Variants in PKDCC observed in about 807,000 individuals in gnomAD.
PKDCC encodes the protein extracellular tyrosine-protein kinase PKDCC.
PKDCC carries 35 observed loss-of-function variants against 44.7 expected under a neutral mutation model. That is an observed-to-expected ratio of 0.78 (90% CI 0.60 to 1.04). PKDCC has a LOEUF of 1.04. PKDCC is among the 50% of genes least tolerant of loss of function. The pLI is 0.00. For synonymous variants in PKDCC, 353 were observed against 303.3 expected (o/e 1.16, Z -1.70); for missense variants, 738 against 672.7 (o/e 1.10, Z -1.07).
chr2:42,057,703 CG>C lies in PKDCC; in HGVS notation c.*17del. On this transcript the variant is annotated 3_prime_UTR_variant, in exon 7 of 7. Coordinates refer to ENST00000294964, the MANE Select transcript of PKDCC (RefSeq NM_138370.3). ...CCTCTGGCTGACCTATCTGAGGGCT[CG>C]GCTGACCAGCTGACTATCCTCAGCA... 1 of 1,610,654 alleles carries C rather than the reference CG, an allele frequency of 6.2e-7. No homozygotes were observed. The highest frequency in any genetic ancestry group is 8.5e-7 in the Non-Finnish European group (1 of 1,177,720).
At chr2:42,050,030 T>C (rs1667939996) in intron 1 of PKDCC, among the ~76,000 whole-genome samples, 1 of 152,130 alleles carries the variant, frequency 6.6e-6, no homozygotes, top group Admixed American at 6.5e-5. Flanking sequence ...TGGAGGGAGA[T>C]GGGTGGGCGT....
At position 42,055,298 on chromosome 2, in the gene PKDCC, G is replaced by A. The variant is rs369267445; in HGVS notation, c.1127G>A (p.Trp376Ter). The change falls in exon 5 of 7, where the codon TGG becomes TAG. Residue 376 changes from tryptophan to a stop codon, truncating the protein, a stop_gained. Transcript: ENST00000294964. LOFTEE classifies it high-confidence loss of function. The surrounding 1 kb of genome is among the most constrained non-coding windows in gnomAD (Gnocchi z 4.5). ...CTGCACTCTGCAGGAGAGCTCGCCT[G>A]GGGGGTGGACGAGACCCTGGCCCAG... Reference protein sequence around the residue: ...SIVNATGELAWGVDETLAQLE... With the variant: ...SIVNATGELA The A allele has an allele frequency of 2.5e-6, 4 of 1,612,810 alleles. No homozygotes were observed. The highest frequency in any genetic ancestry group is 2.2e-5 in the East Asian group (1 of 44,874).
chr2:42,053,929 C>T (rs750924112), intron 2 of PKDCC, 107 bp from the exon 3 acceptor site: 66 of 1,423,280 alleles, frequency 4.6e-5, no homozygotes, highest in Non-Finnish European at 5.9e-5. Context: ...AGAGAAGTGC[C>T]AACCCCCACA....
At position 42,055,173 on chromosome 2, in the gene PKDCC, C is replaced by G. The variant is rs918456860; in HGVS notation, c.1115-113C>G. The G allele has an allele frequency of 2.3e-6, 3 of 1,284,500 alleles. No homozygotes were observed. Among genetic ancestry groups the G allele is most frequent in the African/African-American group, 2.9e-5 (2 of 68,430 alleles). 79.6% of individuals were successfully genotyped at this position (1,284,500 alleles called of 1,614,324 possible). On this transcript the variant is annotated intron_variant, in intron 4 of 6. Coordinates refer to ENST00000294964, the MANE Select transcript of PKDCC (RefSeq NM_138370.3). This position sits in a 1 kb window ranked among gnomAD's most constrained non-coding sequence, Gnocchi z 4.5. Reference sequence around the variant, plus strand: ...GCCGCAACCTCCCCGCTCCCCCGCCCTCTGTTCACTGGGGCACAGGCTCTG... The same window carrying G: ...GCCGCAACCTCCCCGCTCCCCCGCCGTCTGTTCACTGGGGCACAGGCTCTG...
chr2:42,054,810 G>T lies in PKDCC; in HGVS notation c.1035-131G>T. ...CCCGAGGCTGAGTAGACTTCACTGCGTTCTGCCTGGTTGCTAGGCCTGAGG... is the reference window on the plus strand; with the variant it reads ...CCCGAGGCTGAGTAGACTTCACTGCTTTCTGCCTGGTTGCTAGGCCTGAGG... On this transcript the variant is annotated intron_variant, in intron 3 of 6. Coordinates refer to ENST00000294964, the MANE Select transcript of PKDCC (RefSeq NM_138370.3). The surrounding 1 kb of genome is among the most constrained non-coding windows in gnomAD (Gnocchi z 6.1). 1 of 845,910 alleles carries T rather than the reference G, an allele frequency of 1.2e-6. No individual in the cohort carries two copies. The allele number at this position is 845,910 out of a possible 1,614,324, so 52.4% of individuals were successfully genotyped here. A position where few individuals can be genotyped will look rare whatever the true frequency, so the allele number is the denominator to read the frequency against.
chr2:42,048,387 G>A lies in PKDCC; in HGVS notation c.188G>A (p.Arg63His). ...RGELARQIRA[R>H]YEEVQRYSRG... ...GAGCTGGCCCGGCAGATCCGGGCGCGCTACGAGGAGGTGCAGCGCTATTCC... is the reference window on the plus strand; with the variant it reads ...GAGCTGGCCCGGCAGATCCGGGCGCACTACGAGGAGGTGCAGCGCTATTCC... The change falls in exon 1 of 7, where the codon CGC becomes CAC. Residue 63 changes from arginine (R) to histidine (H), a missense_variant. Physicochemically the swap from Arg to His is conservative, Grantham distance 29. Transcript: ENST00000294964. This position sits in a 1 kb window ranked among gnomAD's most constrained non-coding sequence, Gnocchi z 6.2. 1 of 1,155,698 alleles carries A rather than the reference G, an allele frequency of 8.7e-7. No homozygotes were observed. The highest frequency in any genetic ancestry group is 1.1e-6 in the Non-Finnish European group (1 of 941,274). 71.6% of individuals were successfully genotyped at this position (1,155,698 alleles called of 1,614,324 possible).
In PKDCC at chr2:42,057,798, A is replaced by C. The variant is rs1430868892; in HGVS notation, c.*110A>C. ...GCATGTCACCTGGGAACCCCTGCAG[A>C]CAAAGCTAACATCCCAGACAGACAG... On this transcript the variant is annotated 3_prime_UTR_variant, in exon 7 of 7. Coordinates refer to ENST00000294964, the MANE Select transcript of PKDCC (RefSeq NM_138370.3). 1.2e-6 allele frequency: 1 copy of C among 838,578 alleles called. No individual in the cohort carries two copies. Among genetic ancestry groups the C allele is most frequent in the Non-Finnish European group, 1.9e-6 (1 of 525,854 alleles). The allele number at this position is 838,578 out of a possible 1,614,324, so 51.9% of individuals were successfully genotyped here.
chr2:42,055,189 A>T lies in PKDCC; in HGVS notation c.1115-97A>T. Reference sequence around the variant, plus strand: ...TCCCCCGCCCTCTGTTCACTGGGGCACAGGCTCTGGAGGCAGAGGTGGGAG... The same window carrying T: ...TCCCCCGCCCTCTGTTCACTGGGGCTCAGGCTCTGGAGGCAGAGGTGGGAG... On this transcript the variant is annotated intron_variant, in intron 4 of 6. Transcript: ENST00000294964. The surrounding 1 kb of genome is among the most constrained non-coding windows in gnomAD (Gnocchi z 4.5). The T allele has an allele frequency of 7.6e-7, 1 of 1,324,398 alleles. No individual in the cohort carries two copies. Among genetic ancestry groups the T allele is most frequent in the Non-Finnish European group, 1.1e-6 (1 of 944,064 alleles). 82.0% of individuals were successfully genotyped at this position (1,324,398 alleles called of 1,614,324 possible).
intron 2 of PKDCC, 47 bp from the exon 3 acceptor site, chr2:42,053,989 C>T: frequency 6.3e-7 from 1 of 1,583,048 alleles, no homozygotes; most frequent in Non-Finnish European, 8.6e-7. Flanking sequence ...CCACAGACCC[C>T]CAACCCAGGA....
rs899205778 is a variant in PKDCC at position 42,055,654 on chromosome 2, T to C, written c.1222+261T>C. On this transcript the variant is annotated intron_variant, in intron 5 of 6. Coordinates refer to ENST00000294964, the MANE Select transcript of PKDCC (RefSeq NM_138370.3). This position sits in a 1 kb window ranked among gnomAD's most constrained non-coding sequence, Gnocchi z 4.5. ...CCCTACTCTGGATGGCTCCAAACCC[T>C]ATCATGTACTGGCTATATGACTTTG... The C allele has an allele frequency of 4.5e-6, 2 of 448,494 alleles. No homozygotes were observed. The highest frequency in any genetic ancestry group is 2.0e-5 in the African/African-American group (1 of 50,314). The allele number at this position is 448,494 out of a possible 1,614,324, so 27.8% of individuals were successfully genotyped here.
chr2:42,048,317 G>A lies in PKDCC; in HGVS notation c.118G>A (p.Glu40Lys). Residue 40 changes from glutamate to lysine, a missense_variant, in exon 1 of 7, where the codon GAG (glutamate) becomes AAG (lysine). By Grantham distance (56) the Glu-to-Lys change is moderately conservative. Coordinates refer to ENST00000294964, the MANE Select transcript of PKDCC (RefSeq NM_138370.3). The surrounding 1 kb of genome is among the most constrained non-coding windows in gnomAD (Gnocchi z 6.2). ...SEPPRPGQSP[E>K]PSPAPGPGRR... is the part of the protein sequence containing the mutation. Reference sequence around the variant, plus strand: ...GCCTCCGAGGCCAGGCCAGTCCCCTGAGCCTTCGCCGGCCCCGGGTCCGGG... The same window carrying A: ...GCCTCCGAGGCCAGGCCAGTCCCCTAAGCCTTCGCCGGCCCCGGGTCCGGG... The A allele has an allele frequency of 2.5e-6, 3 of 1,201,174 alleles. No homozygotes were observed. Among genetic ancestry groups the A allele is most frequent in the Non-Finnish European group, 3.1e-6 (3 of 966,980 alleles). The allele number at this position is 1,201,174 out of a possible 1,614,324, so 74.4% of individuals were successfully genotyped here. A position where few individuals can be genotyped will look rare whatever the true frequency, so the allele number is the denominator to read the frequency against.
chr2:42,049,848 C>T (rs1194487221), intron 1 of PKDCC, among the ~76,000 whole-genome samples: 4 of 152,176 alleles, frequency 2.6e-5, no homozygotes, highest in Non-Finnish European at 5.9e-5. Flanking sequence ...AATCCCTGAC[C>T]GCTGTTGGCC....
chr2:42,054,489 G>A lies in PKDCC; in HGVS notation c.1034+182G>A, dbSNP rs1415523906. 2 of 725,456 alleles carry A rather than the reference G, an allele frequency of 2.8e-6. No homozygotes were observed. The highest frequency in any genetic ancestry group is 4.4e-6 in the Non-Finnish European group (2 of 450,942). The allele number at this position is 725,456 out of a possible 1,614,324, so 44.9% of individuals were successfully genotyped here. On this transcript the variant is annotated intron_variant, in intron 3 of 6. Transcript: ENST00000294964. This position sits in a 1 kb window ranked among gnomAD's most constrained non-coding sequence, Gnocchi z 6.1. Reference sequence around the variant, plus strand: ...GCCTCTGATGGAGAGGCTAAAAATAGACAGCTCCAAGGAGAATCCGGGTTA... The same window carrying A: ...GCCTCTGATGGAGAGGCTAAAAATAAACAGCTCCAAGGAGAATCCGGGTTA...
Position 42,048,172 on chromosome 2 carries a change from G to A in PKDCC, c.-28G>A, listed in dbSNP as rs1357145077. The A allele has an allele frequency of 6.5e-6, 7 of 1,070,110 alleles. No homozygotes were observed. The highest frequency in any genetic ancestry group is 1.7e-5 in the African/African-American group (1 of 57,548). The allele number at this position is 1,070,110 out of a possible 1,614,324, so 66.3% of individuals were successfully genotyped here. On this transcript the variant is annotated 5_prime_UTR_variant, in exon 1 of 7. Coordinates refer to ENST00000294964, the MANE Select transcript of PKDCC (RefSeq NM_138370.3). This position sits in a 1 kb window ranked among gnomAD's most constrained non-coding sequence, Gnocchi z 6.2. Reference sequence around the variant, plus strand: ...GGGGCCGGGGCCGGGGAGCCGCGCGGGGCCGGCCGGCCGGGGGGAGGGGAG... The same window carrying A: ...GGGGCCGGGGCCGGGGAGCCGCGCGAGGCCGGCCGGCCGGGGGGAGGGGAG...
At position 42,054,600 on chromosome 2, in the gene PKDCC, G is replaced by A; in HGVS notation, c.1034+293G>A. On this transcript the variant is annotated intron_variant, in intron 3 of 6. Coordinates refer to ENST00000294964, the MANE Select transcript of PKDCC (RefSeq NM_138370.3). This position sits in a 1 kb window ranked among gnomAD's most constrained non-coding sequence, Gnocchi z 6.1. The stretch of plus-strand genomic sequence containing the variant: ...ACTGGCACTTTTCCCTTCCCACCCA[G>A]GCCCTTGTGCTCTGGGAAATTCCTC... 1.8e-6 allele frequency: 1 copy of A among 544,044 alleles called. No homozygotes were observed. Among genetic ancestry groups the A allele is most frequent in the South Asian group, 2.5e-5 (1 of 40,586 alleles). The allele number at this position is 544,044 out of a possible 1,614,324, so 33.7% of individuals were successfully genotyped here.
Position 42,058,121 on chromosome 2 carries a change from G to C in PKDCC, c.*433G>C, listed in dbSNP as rs536031864. The stretch of plus-strand genomic sequence containing the variant: ...GGGGGCTGCGTGGGGACAATCCATC[G>C]TGGAGTGTTCTCTCAGCTTAGGTCT... On this transcript the variant is annotated 3_prime_UTR_variant, in exon 7 of 7. Transcript: ENST00000294964. The surrounding 1 kb of genome is among the most constrained non-coding windows in gnomAD (Gnocchi z 4.2). The C allele has an allele frequency of 5.5e-6, 1 of 180,272 alleles. No individual in the cohort carries two copies. The highest frequency in any genetic ancestry group is 2.4e-5 in the African/African-American group (1 of 42,222). 11.2% of individuals were successfully genotyped at this position (180,272 alleles called of 1,614,324 possible).
At position 42,054,378 on chromosome 2, in the gene PKDCC, C is replaced by T. The variant is rs1668019521; in HGVS notation, c.1034+71C>T. On this transcript the variant is annotated intron_variant, in intron 3 of 6. Transcript: ENST00000294964. The surrounding 1 kb of genome is among the most constrained non-coding windows in gnomAD (Gnocchi z 6.1). The stretch of plus-strand genomic sequence containing the variant: ...CCAGGAGGGCATGGCAGGAAGAGAG[C>T]CAACGTGGAGGCCAGCTGGGCAGGG... The T allele has an allele frequency of 6.6e-7, 1 of 1,507,676 alleles. No homozygotes were observed. The highest frequency in any genetic ancestry group is 1.3e-5 in the South Asian group (1 of 76,566). 93.4% of individuals were successfully genotyped at this position (1,507,676 alleles called of 1,614,324 possible).
chr2:42,055,394 G>C lies in PKDCC; in HGVS notation c.1222+1G>C, dbSNP rs112427825. ...AACTCCACGGCAAGCAGCAGTACCGGTGAGTGGCCCCAAGCTGATCCACAG... is the reference window on the plus strand; with the variant it reads ...AACTCCACGGCAAGCAGCAGTACCGCTGAGTGGCCCCAAGCTGATCCACAG... On this transcript the variant is annotated splice_donor_variant, in intron 5 of 6. Transcript: ENST00000294964. LOFTEE classifies it high-confidence loss of function. This position sits in a 1 kb window ranked among gnomAD's most constrained non-coding sequence, Gnocchi z 4.5. The C allele has an allele frequency of 5.0e-6, 8 of 1,612,816 alleles. No homozygotes were observed. The highest frequency in any genetic ancestry group is 6.8e-6 in the Non-Finnish European group (8 of 1,179,588).
chr2:42,057,493 GT>G, intron 6 of PKDCC, 99 bp downstream of exon 6: 2 of 1,564,386 alleles, frequency 1.3e-6, no homozygotes, highest in Non-Finnish European at 1.7e-6. Context: ...GGGTGCTGAG[GT>G]GATGAGAGAG....
Sources: gnomAD v4.1 joint callset for allele counts (sites outside exome capture counted in the v4.1 genomes callset) on GRCh38, gnomAD v4.1.1 for gene constraint, Gnocchi (gnomAD v3.1) non-coding constraint, MANE v1.5 for transcripts, NCBI Gene and HGNC (gene_info 2026-07-23, HGNC 2026-07-21) for gene names.